FHIT: variants seen among roughly 807,000 people sequenced by gnomAD.
FHIT encodes the protein bis(5'-adenosyl)-triphosphatase.
In FHIT, 19 loss-of-function variants were observed where a neutral mutation model predicts 17.9. That is an observed-to-expected ratio of 1.06 (90% CI 0.74 to 1.56). The LOEUF (loss-of-function observed/expected upper bound fraction) is 1.56. Ranked by LOEUF, FHIT falls within the 40% of genes most tolerant of loss-of-function variation. The pLI is 0.00. For missense variants in FHIT, 248 were observed against 189.2 expected, an observed-to-expected ratio of 1.31 and a Z score of -1.82; for synonymous variants, 81 against 69.7, an observed-to-expected ratio of 1.16 and a Z score of -0.81.
At chr3:61,000,604 C>T (rs1037696905) in intron 3 of FHIT, among the ~76,000 whole-genome samples, 2 of 151,934 alleles carry the variant, frequency 1.3e-5, no homozygotes, top group East Asian at 1.9e-4. Flanking sequence ...AGTTATTCAA[C>T]GGGAAGTGAT....
At chr3:60,003,311 T>C (rs1190227775) in intron 7 of FHIT, among the ~76,000 whole-genome samples, 1 of 152,182 alleles carries the variant, frequency 6.6e-6, no homozygotes, top group Non-Finnish European at 1.5e-5. Flanking sequence ...TGGCAGCCTA[T>C]AAGCAACCTG....
intron 5 of FHIT, among the ~76,000 whole-genome samples, chr3:60,500,481 G>C (rs969039895): frequency 6.6e-6 from 1 of 151,980 alleles, no homozygotes; most frequent in South Asian, 2.1e-4. Context: ...AGTTGTATTG[G>C]TGCTGTGGCT....
intron 3 of FHIT, among the ~76,000 whole-genome samples, chr3:60,887,440 T>C (rs781841629): frequency 2.6e-5 from 4 of 151,820 alleles, no homozygotes; most frequent in African/African-American, 4.8e-5. Context: ...AGGTCAGGAG[T>C]TCGAGACCAG....
Position 60,201,646 on chromosome 3 carries a change from C to T in FHIT, c.104-187494G>A, listed in dbSNP as rs540811826. Among the ~76,000 whole-genome samples the T allele has an allele frequency of 1.2e-3, 178 of 152,248 alleles. 1 individual carries two copies. Among genetic ancestry groups the T allele is most frequent in the Non-Finnish European group, 2.2e-3 (147 of 68,004 alleles). On this transcript the variant is annotated intron_variant, in intron 5 of 9. Coordinates refer to ENST00000492590, the MANE Select transcript of FHIT (RefSeq NM_002012.4). ...CAATAATTAACCACCTATTGCAGTA[C>T]TGAAGTTCATGGCCTACATGGGATT... is the stretch of plus-strand genomic sequence containing the variant.
intron 2 of FHIT, among the ~76,000 whole-genome samples, chr3:61,184,223 C>T (rs1240525853): frequency 6.6e-6 from 1 of 152,106 alleles, no homozygotes; most frequent in Non-Finnish European, 1.5e-5. Flanking sequence ...CCCCTTTGGG[C>T]AGGCATCTAC....
chr3:60,431,668 C>G (rs1214146296), intron 5 of FHIT, among the ~76,000 whole-genome samples: 1 of 152,036 alleles, frequency 6.6e-6, no homozygotes. Context: ...GCCATCTTAC[C>G]AAAGTCGGGA....
At chr3:60,967,681 T>C (rs1709812117) in intron 3 of FHIT, among the ~76,000 whole-genome samples, 1 of 152,094 alleles carries the variant, frequency 6.6e-6, no homozygotes, top group Admixed American at 6.6e-5. Context: ...AGAGCAGATA[T>C]GAAAAACAAG....
chr3:60,328,751 A>G (rs1434490498), intron 5 of FHIT, among the ~76,000 whole-genome samples: 3 of 152,216 alleles, frequency 2.0e-5, no homozygotes, highest in Admixed American at 6.5e-5. Context: ...CCTGTATACA[A>G]TGAGCTGTTC....
chr3:60,075,761 G>C (rs975905294), intron 5 of FHIT, among the ~76,000 whole-genome samples: 1 of 152,168 alleles, frequency 6.6e-6, no homozygotes, highest in South Asian at 2.1e-4. Context: ...AGAAGACACA[G>C]AGATACTAAA....
intron 8 of FHIT, among the ~76,000 whole-genome samples, chr3:59,769,174 G>A (rs1431400144): frequency 1.3e-5 from 2 of 152,128 alleles, no homozygotes; most frequent in African/African-American, 4.8e-5. Context: ...GAGGATAGAA[G>A]ATCAACAAGG....
At chr3:60,351,227 G>T (rs376200290) in intron 5 of FHIT, among the ~76,000 whole-genome samples, 1 of 152,196 alleles carries the variant, frequency 6.6e-6, no homozygotes, top group Non-Finnish European at 1.5e-5. Context: ...ACCCCTTAAT[G>T]TTAATTAACT....
intron 7 of FHIT, among the ~76,000 whole-genome samples, chr3:59,978,673 G>A (rs1320288939): frequency 6.7e-6 from 1 of 149,508 alleles, no homozygotes; most frequent in Non-Finnish European, 1.5e-5. Flanking sequence ...CAAAATTACT[G>A]CAAAACTATG....
At chr3:60,345,684 C>G (rs532501489) in intron 5 of FHIT, among the ~76,000 whole-genome samples, 1 of 152,258 alleles carries the variant, frequency 6.6e-6, no homozygotes, top group African/African-American at 2.4e-5. Context: ...CCATTATGGA[C>G]CTTTTAATAG....
chr3:59,980,502 T>C (rs2630186), intron 7 of FHIT, among the ~76,000 whole-genome samples: 136,971 of 152,196 alleles, frequency 0.9, 62,047 homozygotes, highest in Non-Finnish European at 0.96. Flanking sequence ...TGGAATTTTA[T>C]GGGGTTTGTC....
intron 7 of FHIT, among the ~76,000 whole-genome samples, chr3:59,940,805 C>T (rs1052553518): frequency 4.6e-5 from 7 of 152,138 alleles, no homozygotes; most frequent in South Asian, 2.1e-4. Flanking sequence ...CTCTTAGCAC[C>T]GCCCCTGGCA....
intron 5 of FHIT, among the ~76,000 whole-genome samples, chr3:60,497,213 C>T (rs2034336516): frequency 6.6e-6 from 1 of 151,894 alleles, no homozygotes; most frequent in African/African-American, 2.4e-5. Context: ...GTTATCTGGT[C>T]CAAAATGGCA....
At chr3:60,147,993 CAG>C (rs1700312146) in intron 5 of FHIT, among the ~76,000 whole-genome samples, 1 of 152,114 alleles carries the variant, frequency 6.6e-6, no homozygotes, top group Admixed American at 6.5e-5. Flanking sequence ...GGTTTCCTCA[CAG>C]GGGTTTAATA....
At chr3:60,127,708 C>G (rs1451621072) in intron 5 of FHIT, among the ~76,000 whole-genome samples, 1 of 152,100 alleles carries the variant, frequency 6.6e-6, no homozygotes, top group Non-Finnish European at 1.5e-5. Context: ...CTCAAGGATC[C>G]TCCCACCTCA....
At chr3:60,862,387 C>T (rs1553752885) in intron 3 of FHIT, among the ~76,000 whole-genome samples, 1 of 152,074 alleles carries the variant, frequency 6.6e-6, no homozygotes, top group Non-Finnish European at 1.5e-5. Flanking sequence ...AGGCTGGTCT[C>T]AAACTCCTGG....
Sources: allele counts gnomAD v4.1 joint callset (sites outside exome capture counted in the v4.1 genomes callset), GRCh38; gene constraint gnomAD v4.1.1; transcripts MANE v1.5; gene names NCBI Gene and HGNC (gene_info 2026-07-23, HGNC 2026-07-21).